ZAN: variants seen among roughly 807,000 people sequenced by gnomAD.
ZAN encodes the protein zonadhesin, also known as zonadhesin (gene/pseudogene).
A neutral mutation model predicts 286.2 loss-of-function variants in ZAN; 260 were observed. The observed-to-expected ratio is 0.91, with a 90% CI of 0.82 to 1.01. The LOEUF (loss-of-function observed/expected upper bound fraction) is 1.01, where lower values mean the gene tolerates loss of function less well. ZAN is among the 50% of genes least tolerant of loss of function. The pLI, the probability that ZAN is intolerant of heterozygous loss-of-function variation, is 0.00. For synonymous variants in ZAN, 1,368 were observed against 1,417.5 expected (o/e 0.97, Z 0.79); for missense variants, 3,410 against 3,639.2 (o/e 0.94, Z 1.62).
rs779270524 is a variant in ZAN at position 100,775,764 on chromosome 7, C to A, written c.6123C>A (p.Ile2041=). 4.3e-6 allele frequency: 7 copies of A among 1,613,780 alleles called. No individual in the cohort carries two copies. The highest frequency in any genetic ancestry group is 5.9e-6 in the Non-Finnish European group (7 of 1,179,896). The change falls in exon 33 of 48, where the codon ATC becomes ATA. Residue 2041 remains isoleucine (I), a synonymous_variant. Coordinates refer to ENST00000613979, the MANE Select transcript of ZAN (RefSeq NM_003386.3). ...SSIYSIVNIK[I]GVQVKFDGNH... ...TCTACAGCATTGTTAACATCAAGAT[C>A]GGGGTGCAAGTCAAGTTTGACGGGA...
chr7:100,763,053 C>T lies in ZAN; in HGVS notation c.3986+695C>T, dbSNP rs1435972526. 6.7e-6 allele frequency among the ~76,000 whole-genome samples: 1 copy of T among 149,984 alleles called. No homozygotes were observed. Among genetic ancestry groups the T allele is most frequent in the Non-Finnish European group, 1.5e-5 (1 of 67,810 alleles). ...GTTGTGCAATCTCAGCTCACTGAAA[C>T]CTCTGCCTCCTGGGCTCAAGTGATT... On this transcript the variant is annotated intron_variant, in intron 20 of 47. Coordinates refer to ENST00000613979, the MANE Select transcript of ZAN (RefSeq NM_003386.3). The surrounding 1 kb of genome is among the most constrained non-coding windows in gnomAD (Gnocchi z 4.6).
At chr7:100,779,202 C>T (rs1811020844) in intron 34 of ZAN, among the ~76,000 whole-genome samples, 4 of 143,992 alleles carry the variant, frequency 2.8e-5, no homozygotes. Flanking sequence ...GACTCTGTCT[C>T]CAAAAAAAAA....
intron 35 of ZAN, among the ~76,000 whole-genome samples, chr7:100,781,396 C>T (rs143053080): frequency 1.2e-4 from 18 of 152,170 alleles, no homozygotes; most frequent in East Asian, 3.9e-4. Context: ...AAAACACTCT[C>T]GCGTTCCAGG....
At chr7:100,768,814 T>G in intron 27 of ZAN, 93 bp downstream of exon 27, 2 of 1,043,456 alleles carry the variant, frequency 1.9e-6, no homozygotes, top group South Asian at 3.2e-5. Context: ...GTGTCCCCAC[T>G]CCCTCTGTGC....
At chr7:100,761,995 G>C (rs1809613097) in intron 19 of ZAN, among the ~76,000 whole-genome samples, 1 of 151,646 alleles carries the variant, frequency 6.6e-6, no homozygotes, top group Non-Finnish European at 1.5e-5. Flanking sequence ...TAAAGTGGGA[G>C]TGTTTTAGGG....
rs1482082541 is a variant in ZAN at position 100,744,364 on chromosome 7, G to A, written c.767-2174G>A. 2.0e-5 allele frequency among the ~76,000 whole-genome samples: 3 copies of A among 150,548 alleles called. No individual in the cohort carries two copies. The Admixed American group carries it at 2.0e-4, about 10-fold the overall frequency. ...CTGTAATCCCAGCACTTTGGGAGGC[G>A]GAGGCAGGTGGATCACCAGAGGTCA... is the stretch of plus-strand genomic sequence containing the variant. On this transcript the variant is annotated intron_variant, in intron 7 of 47. Transcript: ENST00000613979.
In ZAN at chr7:100,758,351, C is replaced by A; in HGVS notation, c.3451+8C>A. On this transcript the variant is annotated splice_region_variant and intron_variant, in intron 16 of 47. Coordinates refer to ENST00000613979, the MANE Select transcript of ZAN (RefSeq NM_003386.3). ...ATGGATGCCACCCCTACGGTGAGAG[C>A]CCCTCCCCATGCTGTCCCTGCCTGC... 6.2e-7 allele frequency: 1 copy of A among 1,610,546 alleles called. No individual in the cohort carries two copies. Among genetic ancestry groups the A allele is most frequent in the Non-Finnish European group, 8.5e-7 (1 of 1,178,258 alleles).
intron 35 of ZAN, among the ~76,000 whole-genome samples, chr7:100,784,051 A>T (rs901042071): frequency 1.3e-5 from 2 of 149,386 alleles, no homozygotes; most frequent in Non-Finnish European, 3.0e-5. Context: ...ACACCTACTG[A>T]TCATACACAT....
At chr7:100,746,453 G>A in intron 7 of ZAN, 85 bp from the exon 8 acceptor site, 3 of 1,516,224 alleles carry the variant, frequency 2.0e-6, no homozygotes, top group Non-Finnish European at 1.8e-6. Context: ...CCAGAGACAA[G>A]TCCACAGCCT....
At chr7:100,795,519 C>T (rs314343) in intron 45 of ZAN, among the ~76,000 whole-genome samples, 183 bp downstream of exon 45, 2 of 148,692 alleles carry the variant, frequency 1.3e-5, no homozygotes. Flanking sequence ...ATTAATATAT[C>T]TTGTATATTA....
chr7:100,768,514 T>A, intron 26 of ZAN, 96 bp from the exon 27 acceptor site: 2 of 1,008,454 alleles, frequency 2.0e-6, no homozygotes, highest in Non-Finnish European at 2.9e-6. Context: ...CCTTGCTATG[T>A]AGAATGAAAA....
chr7:100,762,815 C>T (rs1360411702), intron 20 of ZAN, among the ~76,000 whole-genome samples: 4 of 151,108 alleles, frequency 2.6e-5, no homozygotes, highest in African/African-American at 7.3e-5. Flanking sequence ...TCGTGGCTTA[C>T]TGCAGCCTCA....
chr7:100,753,178 C>T lies in ZAN; in HGVS notation c.3073C>T (p.Pro1025Ser). The T allele has an allele frequency of 6.2e-7, 1 of 1,612,056 alleles. No homozygotes were observed. The highest frequency in any genetic ancestry group is 2.2e-5 in the East Asian group (1 of 44,848). The part of the protein sequence containing the change: ...LVMSPHAPST[P>S]MTSVILGTTT... The stretch of plus-strand genomic sequence containing the variant: ...GATGTCTCCACATGCTCCAAGTACC[C>T]CTATGACCAGTGTGATTCTGGGCAC... The change falls in exon 14 of 48, where the codon CCT (proline) becomes TCT (serine). Residue 1025 changes from proline to serine, a missense_variant. Coordinates refer to ENST00000613979, the MANE Select transcript of ZAN (RefSeq NM_003386.3).
chr7:100,757,060 G>A (rs756680188), intron 15 of ZAN, among the ~76,000 whole-genome samples: 2 of 152,056 alleles, frequency 1.3e-5, no homozygotes, highest in Non-Finnish European at 2.9e-5. Flanking sequence ...GAGCCACCGC[G>A]CCTGGCTGTA....
rs73409100 is a variant in ZAN, at chr7:100,758,580, T to C, written c.3501T>C (p.Phe1167=). The change falls in exon 17 of 48, where the codon TTT becomes TTC. Residue 1167 remains phenylalanine, a synonymous_variant. Coordinates refer to ENST00000613979, the MANE Select transcript of ZAN (RefSeq NM_003386.3). ...ACGGAGACCCTCATTATGTCACCTTTGACGGGAGGCACTTTGGCTTCATGG... is the reference window on the plus strand; with the variant it reads ...ACGGAGACCCTCATTATGTCACCTTCGACGGGAGGCACTTTGGCTTCATGG... ...LVYGDPHYVT[F]DGRHFGFMGK... is the part of the protein sequence containing the mutation. 795 of 1,566,852 alleles carry C rather than the reference T, an allele frequency of 5.1e-4. 6 individuals are homozygous for C. The African/African-American group carries it at 9.8e-3, about 19-fold the overall frequency.
Position 100,737,347 on chromosome 7 carries a change from G to C in ZAN, c.611G>C (p.Arg204Pro), listed in dbSNP as rs367593224. 3 of 1,459,486 alleles carry C rather than the reference G, an allele frequency of 2.1e-6. 1 individual carries two copies. The highest frequency in any genetic ancestry group is 2.8e-6 in the Non-Finnish European group (3 of 1,071,990). 90.4% of individuals were successfully genotyped at this position (1,459,486 alleles called of 1,614,324 possible). A position where few individuals can be genotyped will look rare whatever the true frequency, so the allele number is the denominator to read the frequency against. The change falls in exon 6 of 48, where the codon CGC (arginine) becomes CCC (proline). Residue 204 changes from arginine to proline, a missense_variant and splice_region_variant. This residue lies in a region of ZAN where 872 missense variants were observed against 938.9 expected (regional missense o/e 0.93). Coordinates refer to ENST00000613979, the MANE Select transcript of ZAN (RefSeq NM_003386.3). The stretch of plus-strand genomic sequence containing the variant: ...TCTATCCGCCGGGGCTCCTGTAATC[G>C]CGGTGAGTCCCTGTCCCTCCTCCCG... The part of the protein sequence containing the change: ...ALSIRRGSCN[R>P]VCMMQTCSFD...
chr7:100,735,109 G>A lies in ZAN; in HGVS notation c.54-611G>A, dbSNP rs1365936591. The stretch of plus-strand genomic sequence containing the variant: ...TGAGGCAGGAGAGTCACTTGAACCC[G>A]GGAGGCGGAGACTGCAGTGAGCGGA... On this transcript the variant is annotated intron_variant, in intron 2 of 47. Coordinates refer to ENST00000613979, the MANE Select transcript of ZAN (RefSeq NM_003386.3). Among the ~76,000 whole-genome samples the A allele has an allele frequency of 8.6e-5, 12 of 139,122 alleles. 1 individual carries two copies. The highest frequency in any genetic ancestry group is 4.1e-4 in the East Asian group (2 of 4,898). 91.3% of individuals were successfully genotyped at this position (139,122 alleles called of 152,430 possible).
At chr7:100,779,136 G>A (rs1811015856) in intron 34 of ZAN, among the ~76,000 whole-genome samples, 1 of 151,534 alleles carries the variant, frequency 6.6e-6, no homozygotes, top group African/African-American at 2.4e-5. Context: ...CCGGGAGGCG[G>A]AGGTCTCAGT....
rs1300483960 is a variant in ZAN at position 100,736,889 on chromosome 7, C to A, written c.334C>A (p.Gln112Lys). ...CCTGCTCAGCCCCGACCTATGGGAGCAAGGCCCCCTCTGTGTGCACTTTGC... is the reference window on the plus strand; with the variant it reads ...CCTGCTCAGCCCCGACCTATGGGAGAAAGGCCCCCTCTGTGTGCACTTTGC... Reference protein sequence around the residue: ...ARLLSPDLWEQGPLCVHFAHH... With the variant: ...ARLLSPDLWEKGPLCVHFAHH... Residue 112 changes from glutamine to lysine, a missense_variant, in exon 5 of 48, where the codon CAA becomes AAA. Gln to Lys is a moderately conservative substitution (Grantham distance 53, BLOSUM62 1). Around this residue, in one of 7 missense-constraint regions of ZAN, gnomAD observed 872 missense variants for 938.9 expected, o/e 0.93. Transcript: ENST00000613979. 2 of 1,488,294 alleles carry A rather than the reference C, an allele frequency of 1.3e-6. No individual in the cohort carries two copies. The highest frequency in any genetic ancestry group is 2.4e-5 in the South Asian group (2 of 84,780). 92.2% of individuals were successfully genotyped at this position (1,488,294 alleles called of 1,614,324 possible).
Sources: gnomAD v4.1 joint callset for allele counts (sites outside exome capture counted in the v4.1 genomes callset) on GRCh38, gnomAD v4.1.1 for gene constraint, gnomAD v4.1.1 regional missense constraint, Gnocchi (gnomAD v3.1) non-coding constraint, MANE v1.5 for transcripts, NCBI Gene and HGNC (gene_info 2026-07-23, HGNC 2026-07-21) for gene names.